PAFAH1B2: variants seen among roughly 807,000 people sequenced by gnomAD.
The protein encoded by PAFAH1B2 is platelet-activating factor acetylhydrolase IB subunit alpha2.
A neutral mutation model predicts 28.0 loss-of-function variants in PAFAH1B2; 8 were observed. The ratio of observed to expected loss-of-function variants is 0.29; its 90% CI spans 0.17 to 0.52. PAFAH1B2 has a LOEUF of 0.52. Ranked by LOEUF, PAFAH1B2 falls within the 20% of genes least tolerant of loss-of-function variation. PAFAH1B2 has a pLI of 0.97. For missense variants in PAFAH1B2, 190 were observed against 282.6 expected (o/e 0.67, Z 2.35); for synonymous variants, 104 against 103.2 (o/e 1.01, Z -0.05).
At chr11:117,171,743 T>TA, downstream of PAFAH1B2, 1 of 1,535,248 alleles carries the variant, frequency 6.5e-7, no homozygotes, top group Non-Finnish European at 8.7e-7. Context: ...CCAGCAATAT[T>TA]ACAGTGAGTT....
chr11:117,169,551 AT>A lies in PAFAH1B2; in HGVS notation c.*1859del. ...TGATTGAGGGATGAACCTTGGGCTC[AT>A]TTTTTTCTTGTGAAGTCTCTTTCTA... On this transcript the variant is annotated 3_prime_UTR_variant, in exon 6 of 6. Transcript: ENST00000527958. 2 of 1,055,574 alleles carry A rather than the reference AT, an allele frequency of 1.9e-6. No homozygotes were observed. The highest frequency in any genetic ancestry group is 2.3e-6 in the Non-Finnish European group (2 of 873,304). The allele number at this position is 1,055,574 out of a possible 1,614,324, so 65.4% of individuals were successfully genotyped here. A position where few individuals can be genotyped will look rare whatever the true frequency, so the allele number is the denominator to read the frequency against.
chr11:117,152,397 C>T, intron 1 of PAFAH1B2, 44 bp from the exon 2 acceptor site: 2 of 1,180,068 alleles, frequency 1.7e-6, no homozygotes, highest in Non-Finnish European at 1.3e-6. Flanking sequence ...GGTAACAAAC[C>T]TTCCTGTTAA....
chr11:117,161,512 GTTTTTT>G (rs35812569), intron 4 of PAFAH1B2, among the ~76,000 whole-genome samples: 1 of 144,588 alleles, frequency 6.9e-6, no homozygotes, highest in Non-Finnish European at 1.5e-5. Context: ...TGAAGGAAGA[GTTTTTT>G]TTTTTTTTGA....
Position 117,168,455 on chromosome 11 carries a change from T to TTTG in PAFAH1B2, c.*758_*759insGTT. 1.1e-6 allele frequency: 1 copy of TTTG among 887,346 alleles called. No individual in the cohort carries two copies. The highest frequency in any genetic ancestry group is 2.2e-5 in the African/African-American group (1 of 45,976). 55.0% of individuals were successfully genotyped at this position (887,346 alleles called of 1,614,324 possible). ...TTCCCCCCGCCACCCCGTTTTTTTT[T>TTTG]TTTTTTTTTTTTTTTTGGTTCTTGT... is the stretch of plus-strand genomic sequence containing the variant. On this transcript the variant is annotated 3_prime_UTR_variant, in exon 6 of 6. Coordinates refer to ENST00000527958, the MANE Select transcript of PAFAH1B2 (RefSeq NM_002572.4).
intron 5 of PAFAH1B2, among the ~76,000 whole-genome samples, chr11:117,165,569 A>G (rs1956487712): frequency 6.6e-6 from 1 of 152,206 alleles, no homozygotes; most frequent in Non-Finnish European, 1.5e-5. Context: ...CTCACAGTCT[A>G]GTGTATGGAG....
downstream of PAFAH1B2, among the ~76,000 whole-genome samples, chr11:117,171,208 G>T (rs11216310): frequency 6.6e-6 from 1 of 152,100 alleles, no homozygotes; most frequent in Middle Eastern, 3.2e-3. Flanking sequence ...ACCTTCTCGG[G>T]CATGTAGATT....
At chr11:117,148,383 A>G (rs1446433075) in intron 1 of PAFAH1B2, among the ~76,000 whole-genome samples, 2 of 152,156 alleles carry the variant, frequency 1.3e-5, no homozygotes, top group African/African-American at 2.4e-5. Context: ...TCAGAACATA[A>G]TATCATTTGC....
Position 117,145,795 on chromosome 11 carries a change from T to C in PAFAH1B2, c.-8+1377T>C, listed in dbSNP as rs554831439. Among the ~76,000 whole-genome samples the C allele has an allele frequency of 4.6e-5, 7 of 152,298 alleles. No homozygotes were observed. The South Asian group carries it at 1.4e-3, about 32-fold the overall frequency. On this transcript the variant is annotated intron_variant, in intron 1 of 5. Transcript: ENST00000527958. ...AATCTTTTAATTCTTGGTTCAACTT[T>C]CTTCATCTGTTTTCCTGGTTCAGAC... is the stretch of plus-strand genomic sequence containing the variant.
At chr11:117,166,457 A>C (rs1260064600) in intron 5 of PAFAH1B2, among the ~76,000 whole-genome samples, 3 of 152,250 alleles carry the variant, frequency 2.0e-5, no homozygotes, top group Non-Finnish European at 4.4e-5. Context: ...AATAACCTAA[A>C]TAGTAGTATC....
At chr11:117,150,310 G>A (rs1223087701) in intron 1 of PAFAH1B2, among the ~76,000 whole-genome samples, 7 of 152,082 alleles carry the variant, frequency 4.6e-5, no homozygotes, top group Non-Finnish European at 7.4e-5. Context: ...CACCATGCCC[G>A]GCTAATTTTT....
intron 1 of PAFAH1B2, among the ~76,000 whole-genome samples, chr11:117,145,217 T>G (rs1479771394): frequency 6.6e-6 from 1 of 152,168 alleles, no homozygotes; most frequent in Non-Finnish European, 1.5e-5. Flanking sequence ...GTTTGCCAGA[T>G]CCGTGCCTTC....
intron 2 of PAFAH1B2, among the ~76,000 whole-genome samples, chr11:117,152,997 C>T (rs768729608): frequency 3.3e-5 from 5 of 151,920 alleles, no homozygotes; most frequent in Non-Finnish European, 5.9e-5. Flanking sequence ...ACCCAGGAGG[C>T]GGAGGTTGCA....
chr11:117,168,274 T>A lies in PAFAH1B2; in HGVS notation c.*575T>A. On this transcript the variant is annotated 3_prime_UTR_variant, in exon 6 of 6. Coordinates refer to ENST00000527958, the MANE Select transcript of PAFAH1B2 (RefSeq NM_002572.4). ...AAGTGAATTTGTTCTGCTTTCTTAA[T>A]CTTTTCCATGCTTAGCAGTGAAAAA... 9.4e-7 allele frequency: 1 copy of A among 1,063,354 alleles called. No homozygotes were observed. Among genetic ancestry groups the A allele is most frequent in the Non-Finnish European group, 1.1e-6 (1 of 878,060 alleles). The allele number at this position is 1,063,354 out of a possible 1,614,324, so 65.9% of individuals were successfully genotyped here. A position where few individuals can be genotyped will look rare whatever the true frequency, so the allele number is the denominator to read the frequency against.
intron 1 of PAFAH1B2, among the ~76,000 whole-genome samples, chr11:117,145,853 C>T (rs1437615675): frequency 6.6e-6 from 1 of 152,196 alleles, no homozygotes; most frequent in East Asian, 1.9e-4. Context: ...GAAGTTATAA[C>T]GCTTTGTTGT....
At chr11:117,147,699 A>G (rs1326003553) in intron 1 of PAFAH1B2, among the ~76,000 whole-genome samples, 3 of 152,086 alleles carry the variant, frequency 2.0e-5, no homozygotes, top group Non-Finnish European at 4.4e-5. Context: ...TTGATTGACA[A>G]AATAATACAA....
chr11:117,147,827 A>G (rs1441885075), intron 1 of PAFAH1B2, among the ~76,000 whole-genome samples: 2 of 152,200 alleles, frequency 1.3e-5, no homozygotes, highest in Non-Finnish European at 2.9e-5. Context: ...AATTAGGAAT[A>G]TTTTGTGACC....
intron 3 of PAFAH1B2, 145 bp downstream of exon 3, chr11:117,160,168 A>T (rs1261419533): frequency 9.1e-6 from 6 of 659,972 alleles, no homozygotes; most frequent in African/African-American, 3.6e-5. Flanking sequence ...AAAGCTACCT[A>T]AAGGGATTTT....
At chr11:117,152,114 C>G (rs867503474) in intron 1 of PAFAH1B2, among the ~76,000 whole-genome samples, 1 of 152,166 alleles carries the variant, frequency 6.6e-6, no homozygotes, top group Non-Finnish European at 1.5e-5. Context: ...CTCCTTGTGT[C>G]ACTTGGTACT....
At position 117,169,298 on chromosome 11, in the gene PAFAH1B2, TA is replaced by T. The variant is rs554423120; in HGVS notation, c.*1607del. The T allele has an allele frequency of 2.5e-3, 2,588 of 1,038,390 alleles. 28 individuals are homozygous for T. In the African/African-American group the frequency reaches 0.027, roughly 11 times the overall value. 64.3% of individuals were successfully genotyped at this position (1,038,390 alleles called of 1,614,324 possible). ...GTTCGAGCTATATAAGAACTGCCATTAAAAAAAATGGGATAATAGATGATTT... is the reference window on the plus strand; with the variant it reads ...GTTCGAGCTATATAAGAACTGCCATTAAAAAAATGGGATAATAGATGATTT... On this transcript the variant is annotated 3_prime_UTR_variant, in exon 6 of 6. Coordinates refer to ENST00000527958, the MANE Select transcript of PAFAH1B2 (RefSeq NM_002572.4).
Sources: allele counts gnomAD v4.1 joint callset (sites outside exome capture counted in the v4.1 genomes callset), GRCh38; gene constraint gnomAD v4.1.1; transcripts MANE v1.5; gene names NCBI Gene and HGNC (gene_info 2026-07-23, HGNC 2026-07-21).